Variants in SLC9A4 observed in about 807,000 individuals in gnomAD.
The protein encoded by SLC9A4 is solute carrier family 9 member A4, also known as sodium/hydrogen exchanger 4.
Under a neutral mutation model 67.4 loss-of-function variants are expected in SLC9A4, and 63 were observed. That is an observed-to-expected ratio of 0.93 (90% confidence interval 0.76 to 1.15). The LOEUF (loss-of-function observed/expected upper bound fraction) is 1.15, where lower values mean the gene tolerates loss of function less well. Among genes scored for constraint, SLC9A4 ranks in the 50% most tolerant of loss-of-function variants. The probability of loss-of-function intolerance (pLI) is 0.00; values close to 1 mark genes in which losing one functional copy is unlikely to be tolerated. For synonymous variants in SLC9A4, 393 were observed against 367.2 expected (o/e 1.07, Z -0.80); for missense variants, 1,089 against 987.7 (o/e 1.10, Z -1.38).
intron 2 of SLC9A4, among the ~76,000 whole-genome samples, chr2:102,494,534 G>T (rs1372827951): frequency 6.6e-6 from 1 of 152,092 alleles, no homozygotes; most frequent in Non-Finnish European, 1.5e-5. Flanking sequence ...CCAATTAAAA[G>T]TCAGAGATTA....
intron 1 of SLC9A4, 38 bp from the exon 2 acceptor site, chr2:102,478,801 C>T: frequency 6.3e-7 from 1 of 1,589,198 alleles, no homozygotes; most frequent in Non-Finnish European, 8.6e-7. Flanking sequence ...CAGACCGTTT[C>T]GTTTGCAAGC....
intron 8 of SLC9A4, among the ~76,000 whole-genome samples, chr2:102,517,136 T>C (rs1380757204): frequency 6.6e-6 from 1 of 152,204 alleles, no homozygotes; most frequent in Non-Finnish European, 1.5e-5. Context: ...AGGAGCAGCA[T>C]CATCTCAGCC....
chr2:102,485,077 T>C (rs74327199), intron 2 of SLC9A4, among the ~76,000 whole-genome samples: 1 of 152,180 alleles, frequency 6.6e-6, no homozygotes. Context: ...TAGTACACAG[T>C]GGTTAAGGAC....
chr2:102,528,287 C>T (rs1674706059), intron 11 of SLC9A4, among the ~76,000 whole-genome samples: 3 of 152,126 alleles, frequency 2.0e-5, no homozygotes, highest in African/African-American at 4.8e-5. Flanking sequence ...GGATTACAGG[C>T]GTGAGCCACC....
chr2:102,500,052 G>A (rs1305176659), intron 2 of SLC9A4, among the ~76,000 whole-genome samples: 1 of 152,206 alleles, frequency 6.6e-6, no homozygotes, highest in Non-Finnish European at 1.5e-5. Context: ...TGGAACTGCA[G>A]GATAGGATCG....
At position 102,519,873 on chromosome 2, in the gene SLC9A4, A is replaced by C; in HGVS notation, c.1736A>C (p.Gln579Pro). The part of the protein sequence containing the change: ...FSIPHQAQRI[Q>P]GIKRLSPEDV... ...AATGATTCCAGGGCCCAGAGGATAC[A>C]AGGAATCAAAAGACTTTCCCCTGAA... Residue 579 changes from glutamine (Q) to proline (P), a missense_variant, in exon 9 of 12, where the codon CAA (glutamine) becomes CCA (proline). Coordinates refer to ENST00000295269, the MANE Select transcript of SLC9A4 (RefSeq NM_001011552.4). 1 of 1,613,750 alleles carries C rather than the reference A, an allele frequency of 6.2e-7. No individual in the cohort carries two copies. Among genetic ancestry groups the C allele is most frequent in the Non-Finnish European group, 8.5e-7 (1 of 1,179,706 alleles).
chr2:102,526,774 TAAAATGATTTCACC>T, intron 11 of SLC9A4, among the ~76,000 whole-genome samples: 1 of 152,328 alleles, frequency 6.6e-6, no homozygotes, highest in Admixed American at 6.5e-5. Context: ...TTAATTTCAC[TAAAATGATTTCACC>T]AGATTTACTG....
rs1233754159 is a variant in SLC9A4 at position 102,495,527 on chromosome 2, G to A, written c.721-7921G>A. ...CAAAGCTGATTCTAAAAATCTGTTT[G>A]GAAATGTGAATGACCTAGATTACAT... On this transcript the variant is annotated intron_variant, in intron 2 of 11. Coordinates refer to ENST00000295269, the MANE Select transcript of SLC9A4 (RefSeq NM_001011552.4). Among the ~76,000 whole-genome samples, 5 of 152,132 alleles carry A rather than the reference G, an allele frequency of 3.3e-5. No individual in the cohort carries two copies. The East Asian group carries it at 7.7e-4, about 23-fold the overall frequency.
chr2:102,501,318 A>T lies in SLC9A4; in HGVS notation c.721-2130A>T, dbSNP rs115178299. On this transcript the variant is annotated intron_variant, in intron 2 of 11. Transcript: ENST00000295269. The stretch of plus-strand genomic sequence containing the variant: ...TGTATTTTAGTAGAGATACGGTTTC[A>T]CCACGTTGCCCTGGCTGGTCTCGAA... 8.9e-3 allele frequency among the ~76,000 whole-genome samples: 1,358 copies of T among 152,112 alleles called. 6 individuals are homozygous for T. Among genetic ancestry groups the T allele is most frequent in the Non-Finnish European group, 0.014 (933 of 67,994 alleles).
chr2:102,525,658 C>T lies in SLC9A4; in HGVS notation c.1950+503C>T, dbSNP rs140502549. Among the ~76,000 whole-genome samples, 5 of 152,136 alleles carry T rather than the reference C, an allele frequency of 3.3e-5. 1 individual carries two copies. The East Asian group carries it at 9.8e-4, about 30-fold the overall frequency. On this transcript the variant is annotated intron_variant, in intron 10 of 11. Coordinates refer to ENST00000295269, the MANE Select transcript of SLC9A4 (RefSeq NM_001011552.4). ...TGGAGGCCATAACAAACCAGTCTTA[C>T]TGGCAATTTGAATGGAGGCTGGGTG...
chr2:102,473,788 G>A lies in SLC9A4; in HGVS notation c.29G>A (p.Ser10Asn), dbSNP rs1179664661. Residue 10 changes from serine to asparagine, a missense_variant, in exon 1 of 12, where the codon AGT becomes AAT. Transcript: ENST00000295269. MALQMFVTY[S>N]PWNCLLLLVA... Reference sequence around the variant, plus strand: ...GCTCTGCAGATGTTCGTGACTTACAGTCCTTGGAATTGTTTGCTACTGCTA... The same window carrying A: ...GCTCTGCAGATGTTCGTGACTTACAATCCTTGGAATTGTTTGCTACTGCTA... 2.5e-6 allele frequency: 4 copies of A among 1,613,946 alleles called. No individual in the cohort carries two copies. In the Admixed American group the frequency reaches 5.0e-5, roughly 20 times the overall value.
intron 3 of SLC9A4, among the ~76,000 whole-genome samples, chr2:102,504,147 G>C (rs987009716): frequency 6.6e-6 from 1 of 152,062 alleles, no homozygotes; most frequent in Non-Finnish European, 1.5e-5. Context: ...CCGCCTCCCG[G>C]GTTCACTCCA....
chr2:102,494,357 A>G lies in SLC9A4; in HGVS notation c.721-9091A>G, dbSNP rs886500404. Among the ~76,000 whole-genome samples the G allele has an allele frequency of 4.7e-5, 7 of 149,496 alleles. 1 individual carries two copies. The highest frequency in any genetic ancestry group is 1.0e-4 in the Non-Finnish European group (7 of 68,008). The stretch of plus-strand genomic sequence containing the variant: ...ATGATGCAAAAAATCTGGTCAATAG[A>G]TAAAATTAAAATAGAATTCTAACAA... On this transcript the variant is annotated intron_variant, in intron 2 of 11. Transcript: ENST00000295269.
intron 2 of SLC9A4, among the ~76,000 whole-genome samples, chr2:102,502,748 C>T (rs1208693465): frequency 6.6e-6 from 1 of 152,210 alleles, no homozygotes; most frequent in African/African-American, 2.4e-5. Context: ...GCAGTGGGAG[C>T]CTGCACTTGG....
intron 1 of SLC9A4, among the ~76,000 whole-genome samples, chr2:102,476,912 G>C (rs1286286473): frequency 6.6e-6 from 1 of 152,222 alleles, no homozygotes; most frequent in African/African-American, 2.4e-5. Context: ...CAGTGCTCCA[G>C]AAGAGGTGCT....
chr2:102,524,371 A>T (rs1367342969), intron 9 of SLC9A4, among the ~76,000 whole-genome samples: 3 of 152,222 alleles, frequency 2.0e-5, no homozygotes, highest in Non-Finnish European at 2.9e-5. Flanking sequence ...CTGAGGACTG[A>T]CTAATGTTGG....
intron 1 of SLC9A4, among the ~76,000 whole-genome samples, chr2:102,475,182 A>G (rs778603505): frequency 1.3e-5 from 2 of 152,262 alleles, no homozygotes; most frequent in Non-Finnish European, 2.9e-5. Flanking sequence ...TAAGAGGTAT[A>G]CAAGTAAAAA....
chr2:102,480,259 T>C (rs542059605), intron 2 of SLC9A4, among the ~76,000 whole-genome samples: 2 of 152,318 alleles, frequency 1.3e-5, no homozygotes, highest in South Asian at 4.1e-4. Context: ...ACAACATTTT[T>C]GCAAATCTTT....
chr2:102,517,116 C>T (rs1284113130), intron 8 of SLC9A4, among the ~76,000 whole-genome samples: 1 of 152,126 alleles, frequency 6.6e-6, no homozygotes, highest in African/African-American at 2.4e-5. Context: ...CAATGGAACA[C>T]TGTATTTTGA....
Sources: allele counts gnomAD v4.1 joint callset (sites outside exome capture counted in the v4.1 genomes callset), GRCh38; gene constraint gnomAD v4.1.1; transcripts MANE v1.5; gene names NCBI Gene and HGNC (gene_info 2026-07-23, HGNC 2026-07-21).